Variants in PDE1C observed in about 807,000 individuals in gnomAD.
The protein encoded by PDE1C is dual specificity calcium/calmodulin-dependent 3',5'-cyclic nucleotide phosphodiesterase 1C.
PDE1C carries 62 observed loss-of-function variants against 93.1 expected under a neutral mutation model. The ratio of observed to expected loss-of-function variants is 0.67; its 90% CI spans 0.54 to 0.82. The LOEUF is 0.82. Ranked by LOEUF, PDE1C falls within the 40% of genes least tolerant of loss-of-function variation. The pLI, the probability that PDE1C is intolerant of heterozygous loss-of-function variation, is 0.00. For missense variants in PDE1C, 742 were observed against 884.6 expected, an observed-to-expected ratio of 0.84 and a Z score of 2.04; for synonymous variants, 325 against 310.1, an observed-to-expected ratio of 1.05 and a Z score of -0.50.
chr7:31,967,323 C>A (rs1322888020), intron 2 of PDE1C, among the ~76,000 whole-genome samples: 4 of 152,010 alleles, frequency 2.6e-5, no homozygotes, highest in Admixed American at 6.6e-5. Flanking sequence ...CAGAGAATAC[C>A]ATAAACACCT....
intron 2 of PDE1C, among the ~76,000 whole-genome samples, chr7:32,207,783 G>A (rs571121720): frequency 6.6e-6 from 1 of 152,284 alleles, no homozygotes; most frequent in South Asian, 2.1e-4. Flanking sequence ...CACACAAGAA[G>A]TTACCTTCCT....
At chr7:31,690,541 C>CA in the PDE1C span, among the ~76,000 whole-genome samples, 1 of 152,220 alleles carries the variant, frequency 6.6e-6, no homozygotes, top group African/African-American at 2.4e-5. Context: ...CATTTACTCT[C>CA]ACTACATCTT....
At chr7:31,923,625 C>T (rs1802931264) in intron 2 of PDE1C, among the ~76,000 whole-genome samples, 1 of 152,102 alleles carries the variant, frequency 6.6e-6, no homozygotes, top group Admixed American at 6.5e-5. Flanking sequence ...CTGTGTCTGA[C>T]AACACACTTA....
At chr7:32,291,196 C>T (rs1812310541) in intron 1 of PDE1C, among the ~76,000 whole-genome samples, 2 of 152,174 alleles carry the variant, frequency 1.3e-5, no homozygotes, top group Admixed American at 1.3e-4. Flanking sequence ...AGCTAATAAA[C>T]TGTGAAGCCA....
intron 3 of PDE1C, among the ~76,000 whole-genome samples, chr7:32,126,429 T>C (rs1003046381): frequency 6.6e-6 from 1 of 152,142 alleles, no homozygotes; most frequent in African/African-American, 2.4e-5. Flanking sequence ...ACACTATAGC[T>C]GTCACTCATA....
Position 32,082,251 on chromosome 7 carries a change from C to T in PDE1C, c.308+87534G>A, listed in dbSNP as rs556070358. ...TGAGGGTCCTACGCCCACGGAGTCT[C>T]GCTGATTGCTAGCACAGCAGTCTGA... On this transcript the variant is annotated intron_variant, in intron 3 of 18. Coordinates refer to the PDE1C transcript ENST00000396193. Among the ~76,000 whole-genome samples the T allele has an allele frequency of 5.3e-5, 8 of 152,336 alleles. No individual in the cohort carries two copies. The East Asian group carries it at 1.4e-3, about 26-fold the overall frequency.
the PDE1C span, among the ~76,000 whole-genome samples, chr7:31,637,655 G>C: frequency 6.6e-6 from 1 of 152,268 alleles, no homozygotes. Flanking sequence ...CAGATGAGTA[G>C]ATTGCGAAAA....
chr7:31,760,034 AT>A (rs1272533863), intron 17 of PDE1C, among the ~76,000 whole-genome samples: 2 of 152,136 alleles, frequency 1.3e-5, no homozygotes, highest in African/African-American at 4.8e-5. Flanking sequence ...TATTAGGATT[AT>A]TTATATTAGT....
chr7:32,319,967 A>T (rs1783254663), intron 1 of PDE1C, among the ~76,000 whole-genome samples: 1 of 152,210 alleles, frequency 6.6e-6, no homozygotes, highest in African/African-American at 2.4e-5. Flanking sequence ...TGGATAAAAG[A>T]GGTCCCAGAG....
At chr7:32,115,419 A>C (rs924328736) in intron 3 of PDE1C, among the ~76,000 whole-genome samples, 5 of 152,098 alleles carry the variant, frequency 3.3e-5, no homozygotes, top group Admixed American at 1.3e-4. Flanking sequence ...GTTGAACAAT[A>C]AGAGCATGTG....
chr7:31,726,922 C>G, the PDE1C span, among the ~76,000 whole-genome samples: 1 of 152,106 alleles, frequency 6.6e-6, no homozygotes, highest in African/African-American at 2.4e-5. Context: ...TAATCCCCAG[C>G]TATTCGGGAG....
At chr7:32,205,715 G>C (rs1325399057) in intron 2 of PDE1C, among the ~76,000 whole-genome samples, 1 of 152,228 alleles carries the variant, frequency 6.6e-6, no homozygotes, top group South Asian at 2.1e-4. Flanking sequence ...ACCTTTATGA[G>C]CTGTAACACT....
the PDE1C span, among the ~76,000 whole-genome samples, chr7:31,635,461 C>A: frequency 6.6e-6 from 1 of 152,220 alleles, no homozygotes; most frequent in African/African-American, 2.4e-5. Context: ...TTGATCTCAT[C>A]ATTCAAGTGA....
At chr7:32,277,413 G>T (rs1187513762) in intron 1 of PDE1C, among the ~76,000 whole-genome samples, 2 of 152,156 alleles carry the variant, frequency 1.3e-5, no homozygotes, top group African/African-American at 4.8e-5. Context: ...CAGAAGCTTT[G>T]TAAAATGAGA....
At chr7:32,022,802 A>G (rs993112749) in intron 2 of PDE1C, among the ~76,000 whole-genome samples, 9 of 152,082 alleles carry the variant, frequency 5.9e-5, no homozygotes, top group African/African-American at 2.2e-4. Flanking sequence ...TCTACTTGAA[A>G]AAAAAAATTA....
chr7:31,716,897 G>A, the PDE1C span, among the ~76,000 whole-genome samples: 1 of 152,136 alleles, frequency 6.6e-6, no homozygotes, highest in Non-Finnish European at 1.5e-5. Context: ...AGAGCCAGAG[G>A]AACTTAATGA....
At chr7:31,790,415 A>G (rs182303816) in intron 16 of PDE1C, among the ~76,000 whole-genome samples, 142 of 152,274 alleles carry the variant, frequency 9.3e-4, no homozygotes, top group African/African-American at 3.2e-3. Flanking sequence ...TCTCCCTTGT[A>G]ACAAGATTTG....
At chr7:32,151,323 T>C (rs1269828431) in intron 3 of PDE1C, among the ~76,000 whole-genome samples, 1 of 152,212 alleles carries the variant, frequency 6.6e-6, no homozygotes, top group African/African-American at 2.4e-5. Flanking sequence ...ACTCCATAGT[T>C]ATTTATTGCC....
At position 31,829,645 on chromosome 7, in the gene PDE1C, A is replaced by G. The variant is rs530659445; in HGVS notation, c.1204-1272T>C. The stretch of plus-strand genomic sequence containing the variant: ...AGTGGGGTCACAATGGGAGCTGGGG[A>G]CATCCAAGGGTCTCAGGAATAGTCC... On this transcript the variant is annotated intron_variant, in intron 11 of 17. Coordinates refer to ENST00000396191, the MANE Select transcript of PDE1C (RefSeq NM_001191057.4). 5.9e-5 allele frequency among the ~76,000 whole-genome samples: 9 copies of G among 152,242 alleles called. No individual in the cohort carries two copies. The East Asian group carries it at 1.4e-3, about 23-fold the overall frequency.
Sources: gnomAD v4.1 joint callset for allele counts (sites outside exome capture counted in the v4.1 genomes callset) on GRCh38, gnomAD v4.1.1 for gene constraint, MANE v1.5 for transcripts, NCBI Gene and HGNC (gene_info 2026-07-23, HGNC 2026-07-21) for gene names.